WDR72: variants seen among roughly 807,000 people sequenced by gnomAD.
WDR72 encodes the protein WD repeat domain 72, also known as WD repeat-containing protein 72.
Under a neutral mutation model 124.2 loss-of-function variants are expected in WDR72, and 120 were observed. That is an observed-to-expected ratio of 0.97 (90% CI 0.83 to 1.12). WDR72 has a LOEUF of 1.12. Among genes scored for constraint, WDR72 ranks in the 50% most tolerant of loss-of-function variants. The pLI is 0.00. For synonymous variants in WDR72, 452 were observed against 441.7 expected, an observed-to-expected ratio of 1.02 and a Z score of -0.29; for missense variants, 1,387 against 1,278.8, an observed-to-expected ratio of 1.08 and a Z score of -1.29.
chr15:53,675,559 C>T (rs907077481), intron 13 of WDR72, among the ~76,000 whole-genome samples: 5 of 151,918 alleles, frequency 3.3e-5, no homozygotes, highest in African/African-American at 9.7e-5. Context: ...TCATTCATCA[C>T]GTCGCATTAT....
chr15:53,711,473 A>C lies in WDR72; in HGVS notation c.720T>G (p.Asp240Glu), dbSNP rs760283970. The C allele has an allele frequency of 6.2e-7, 1 of 1,614,162 alleles. No individual in the cohort carries two copies. Residue 240 changes from aspartate (D) to glutamate (E), a missense_variant, in exon 8 of 20, where the codon GAT (aspartate) becomes GAG (glutamate). Transcript: ENST00000360509. Reference protein sequence around the residue: ...VVFSKCWKVYDYCDFSLLLTE... With the variant: ...VVFSKCWKVYEYCDFSLLLTE... ...TCAGCAGAAGGGAAAAATCACAATA[A>C]TCATAAACCTAAAATATGAAGTTGA...
Position 53,555,535 on chromosome 15 carries a change from T to C in WDR72, c.3149-32213A>G, listed in dbSNP as rs1195306054. Reference sequence around the variant, plus strand: ...GGCTCATTTGCCTCTTTCCCACTTTTATCTCTCGTCCTTCATGTTGTAATA... The same window carrying C: ...GGCTCATTTGCCTCTTTCCCACTTTCATCTCTCGTCCTTCATGTTGTAATA... On this transcript the variant is annotated intron_variant, in intron 18 of 19. Transcript: ENST00000360509. 2.6e-5 allele frequency among the ~76,000 whole-genome samples: 4 copies of C among 152,136 alleles called. No homozygotes were observed. In the East Asian group the frequency reaches 7.7e-4, roughly 29 times the overall value.
At chr15:53,632,099 T>C (rs1479727191) in intron 14 of WDR72, among the ~76,000 whole-genome samples, 2 of 152,016 alleles carry the variant, frequency 1.3e-5, no homozygotes, top group Non-Finnish European at 1.5e-5. Flanking sequence ...TAAGACATTT[T>C]AGGAAGCTTC....
Position 53,685,019 on chromosome 15 carries a change from A to G in WDR72, c.1765+14731T>C, listed in dbSNP as rs2140489160. On this transcript the variant is annotated intron_variant, in intron 13 of 19. Coordinates refer to ENST00000360509, the MANE Select transcript of WDR72 (RefSeq NM_182758.4). Reference sequence around the variant, plus strand: ...GAGGGTCCTGTCTGTTAGAAGGAAAACTAATAAACGGAAAGGACATCCACA... The same window carrying G: ...GAGGGTCCTGTCTGTTAGAAGGAAAGCTAATAAACGGAAAGGACATCCACA... Among the ~76,000 whole-genome samples, 2 of 152,296 alleles carry G rather than the reference A, an allele frequency of 1.3e-5. 1 individual carries two copies. Among genetic ancestry groups the G allele is most frequent in the South Asian group, 4.1e-4 (2 of 4,824 alleles).
intron 18 of WDR72, among the ~76,000 whole-genome samples, chr15:53,548,974 GA>G (rs1893610641): frequency 6.6e-6 from 1 of 152,124 alleles, no homozygotes; most frequent in Non-Finnish European, 1.5e-5. Flanking sequence ...GAAATTTACA[GA>G]AGAAAGAGAA....
At chr15:53,710,722 T>A (rs2017508848) in intron 9 of WDR72, 135 bp downstream of exon 9, 2 of 744,190 alleles carry the variant, frequency 2.7e-6, no homozygotes, top group Non-Finnish European at 4.7e-6. Flanking sequence ...TAATTAAACT[T>A]GATTTTCTCA....
chr15:53,757,976 T>TC (rs2018955904), intron 1 of WDR72, among the ~76,000 whole-genome samples: 2 of 49,224 alleles, frequency 4.1e-5, no homozygotes, highest in Non-Finnish European at 6.5e-5. Flanking sequence ...AAGAGTTTAT[T>TC]TTCTCTCTCT....
intron 18 of WDR72, among the ~76,000 whole-genome samples, chr15:53,554,809 C>A (rs955690077): frequency 6.6e-6 from 1 of 152,100 alleles, no homozygotes; most frequent in Non-Finnish European, 1.5e-5. Flanking sequence ...TTTTACATAA[C>A]CTCACTACAA....
intron 14 of WDR72, among the ~76,000 whole-genome samples, chr15:53,641,008 TC>T (rs1485941567): frequency 6.6e-6 from 1 of 152,018 alleles, no homozygotes; most frequent in East Asian, 1.9e-4. Context: ...TTCATTTTTT[TC>T]ATTTTTTTCT....
At chr15:53,523,368 T>C in intron 18 of WDR72, 46 bp from the exon 19 acceptor site, 1 of 1,576,454 alleles carries the variant, frequency 6.3e-7, no homozygotes, top group Non-Finnish European at 8.7e-7. Context: ...AGAGAGAGGA[T>C]GAAAAAGTAG....
intron 14 of WDR72, among the ~76,000 whole-genome samples, chr15:53,641,191 G>A (rs60070396): frequency 6.6e-6 from 1 of 151,972 alleles, no homozygotes; most frequent in Non-Finnish European, 1.5e-5. Flanking sequence ...ATCACACTCA[G>A]TTATACAAAA....
At position 53,615,794 on chromosome 15, in the gene WDR72, T is replaced by G. The variant is rs116496912; in HGVS notation, c.2412A>C (p.Pro804=). 2 of 1,613,522 alleles carry G rather than the reference T, an allele frequency of 1.2e-6. No individual in the cohort carries two copies. Among genetic ancestry groups the G allele is most frequent in the East Asian group, 4.5e-5 (2 of 44,870 alleles). ...TAKLFLSCLL[P]WGVDKDLDYL... is the part of the protein sequence containing the mutation. ...AATCTAAATCTTTATCCACTCCCCA[T>G]GGCAAAAGGCAAGACAGAAACAATT... The change falls in exon 15 of 20, where the codon CCA becomes CCC. Residue 804 remains proline (P), a synonymous_variant. Transcript: ENST00000360509.
At chr15:53,544,722 G>A (rs1324807439) in intron 18 of WDR72, among the ~76,000 whole-genome samples, 1 of 147,022 alleles carries the variant, frequency 6.8e-6, no homozygotes, top group African/African-American at 2.6e-5. Context: ...AAGTCAAATT[G>A]TCCCTGTTTG....
chr15:53,752,335 T>C (rs1205099560), intron 1 of WDR72, among the ~76,000 whole-genome samples: 1 of 152,166 alleles, frequency 6.6e-6, no homozygotes, highest in Non-Finnish European at 1.5e-5. Context: ...ATTGTGGCTA[T>C]AATTAATTAA....
At chr15:53,587,544 A>C (rs1290664026) in intron 18 of WDR72, among the ~76,000 whole-genome samples, 1 of 152,002 alleles carries the variant, frequency 6.6e-6, no homozygotes, top group African/African-American at 2.4e-5. Flanking sequence ...TTTCCTTTAA[A>C]TGTTATATAA....
At chr15:53,556,441 T>G (rs1036759253) in intron 18 of WDR72, among the ~76,000 whole-genome samples, 1 of 152,080 alleles carries the variant, frequency 6.6e-6, no homozygotes, top group African/African-American at 2.4e-5. Context: ...CTGCCTATAG[T>G]AGGGTCTGGA....
Position 53,516,976 on chromosome 15 carries a change from G to A in WDR72, c.*723C>T, listed in dbSNP as rs552516569. Reference sequence around the variant, plus strand: ...AAGGATCAATTGTGATATGCTGTAAGTTGATTCCCCTTCCCTAGTTCACAT... The same window carrying A: ...AAGGATCAATTGTGATATGCTGTAAATTGATTCCCCTTCCCTAGTTCACAT... On this transcript the variant is annotated 3_prime_UTR_variant, in exon 20 of 20. Transcript: ENST00000360509. 2.6e-5 allele frequency: 4 copies of A among 152,138 alleles called. No homozygotes were observed. Among genetic ancestry groups the A allele is most frequent in the South Asian group, 2.1e-4 (1 of 4,824 alleles). The allele number at this position is 152,138 out of a possible 1,614,324, so 9.4% of individuals were successfully genotyped here.
chr15:53,640,738 A>G (rs550577226), intron 14 of WDR72, among the ~76,000 whole-genome samples: 73 of 152,232 alleles, frequency 4.8e-4, no homozygotes, highest in African/African-American at 1.7e-3. Flanking sequence ...ATATTTGTTA[A>G]TAATAGGAAA....
chr15:53,690,573 A>G (rs2140502303), intron 13 of WDR72, among the ~76,000 whole-genome samples: 1 of 152,318 alleles, frequency 6.6e-6, no homozygotes, highest in East Asian at 1.9e-4. Context: ...TCTTTCACTT[A>G]GCATGTTTTC....
Sources: gnomAD v4.1 joint callset for allele counts (sites outside exome capture counted in the v4.1 genomes callset) on GRCh38, gnomAD v4.1.1 for gene constraint, MANE v1.5 for transcripts, NCBI Gene and HGNC (gene_info 2026-07-23, HGNC 2026-07-21) for gene names.